ELP1: variants seen among roughly 807,000 people sequenced by gnomAD.
The protein encoded by ELP1 is elongator complex protein 1.
ELP1 carries 131 observed loss-of-function variants against 183.2 expected under a neutral mutation model. That is an observed-to-expected ratio of 0.72 (90% CI 0.62 to 0.83). The LOEUF (loss-of-function observed/expected upper bound fraction) is 0.83, where lower values mean the gene tolerates loss of function less well. Ranked by LOEUF, ELP1 falls within the 40% of genes least tolerant of loss-of-function variation. ELP1 has a pLI of 0.00. For synonymous variants in ELP1, 555 were observed against 569.0 expected, an observed-to-expected ratio of 0.98 and a Z score of 0.35; for missense variants, 1,550 against 1,594.9, an observed-to-expected ratio of 0.97 and a Z score of 0.48.
intron 26 of ELP1, among the ~76,000 whole-genome samples, chr9:108,893,478 C>T (rs1180631806): frequency 6.6e-6 from 1 of 152,160 alleles, no homozygotes; most frequent in African/African-American, 2.4e-5. Context: ...TCCTTTCCCC[C>T]ATCAGTCCTC....
intron 5 of ELP1, among the ~76,000 whole-genome samples, chr9:108,924,911 C>A (rs1414447988): frequency 6.6e-6 from 1 of 152,172 alleles, no homozygotes; most frequent in African/African-American, 2.4e-5. Flanking sequence ...ATACGCAAAG[C>A]CTATTTATTT....
chr9:108,929,035 T>A (rs59194472), intron 3 of ELP1, among the ~76,000 whole-genome samples: 2,735 of 152,304 alleles, frequency 0.018, 32 homozygotes, highest in Non-Finnish European at 0.025. Context: ...TTAAATAAAT[T>A]TGCATGAAAA....
chr9:108,924,881 C>T (rs1176432414), intron 5 of ELP1, among the ~76,000 whole-genome samples: 1 of 152,172 alleles, frequency 6.6e-6, no homozygotes, highest in African/African-American at 2.4e-5. Context: ...TCCTGCTCAA[C>T]TTTTTCTTAT....
At chr9:108,914,476 G>T in intron 10 of ELP1, among the ~76,000 whole-genome samples, 1 of 148,978 alleles carries the variant, frequency 6.7e-6, no homozygotes. Flanking sequence ...CAAGTAAAAA[G>T]ATTTATGAAC....
intron 13 of ELP1, among the ~76,000 whole-genome samples, chr9:108,907,623 C>A (rs1829067811): frequency 6.6e-6 from 1 of 152,108 alleles, no homozygotes; most frequent in Non-Finnish European, 1.5e-5. Context: ...ACTTATCAAA[C>A]AGAATAGAAT....
At chr9:108,878,515 C>T in intron 34 of ELP1, 108 bp downstream of exon 34, 1 of 1,468,056 alleles carries the variant, frequency 6.8e-7, no homozygotes, top group Non-Finnish European at 9.5e-7. Context: ...CTCATCTTTC[C>T]TCAAATTGGG....
Position 108,902,852 on chromosome 9 carries a change from A to G in ELP1, c.1841T>C (p.Met614Thr). ...GTGTTCACCTACCTCTTCTCCAATC[A>G]TGGCCAATTCGGTCTGGGTGCATGG... is the stretch of plus-strand genomic sequence containing the variant. Reference protein sequence around the residue: ...PYPCTQTELAMIGEEECVLGL... With the variant: ...PYPCTQTELATIGEEECVLGL... The change falls in exon 16 of 37, where the codon ATG (methionine) becomes ACG (threonine). Residue 614 changes from methionine to threonine, a missense_variant. Physicochemically the swap from Met to Thr is moderately conservative, Grantham distance 81 (BLOSUM62 -1). Transcript: ENST00000374647. 6.2e-7 allele frequency: 1 copy of G among 1,612,908 alleles called. No individual in the cohort carries two copies. The highest frequency in any genetic ancestry group is 8.5e-7 in the Non-Finnish European group (1 of 1,178,998).
At chr9:108,921,821 C>T (rs1055508658) in intron 6 of ELP1, among the ~76,000 whole-genome samples, 5 of 152,192 alleles carry the variant, frequency 3.3e-5, no homozygotes, top group East Asian at 1.9e-4. Flanking sequence ...ATAAAAACTA[C>T]GCTTTAAAAA....
In ELP1 at chr9:108,903,674, CA is replaced by C. The variant is rs756059162; in HGVS notation, c.1644-6del. The C allele has an allele frequency of 2.7e-5, 44 of 1,601,832 alleles. No homozygotes were observed. The highest frequency in any genetic ancestry group is 3.6e-5 in the Non-Finnish European group (42 of 1,170,572). ...CCATCCACCGCTGCAGATGAACTGA[CA>C]AAAAAAAGGAGAAGGGAGTGTAAAC... is the stretch of plus-strand genomic sequence containing the variant. On this transcript the variant is annotated splice_polypyrimidine_tract_variant and splice_region_variant and intron_variant, in intron 14 of 36. Transcript: ENST00000374647.
At position 108,889,403 on chromosome 9, in the gene ELP1, C is replaced by A; in HGVS notation, c.3161-10G>T. On this transcript the variant is annotated splice_polypyrimidine_tract_variant and intron_variant, in intron 28 of 36. Transcript: ENST00000374647. ...TGCTCAACCAGCTTTCCTGTAGAGA[C>A]AATAAGCAGCAGTTGACTACAAAGT... 2.5e-6 allele frequency: 4 copies of A among 1,613,694 alleles called. No individual in the cohort carries two copies. The highest frequency in any genetic ancestry group is 3.4e-6 in the Non-Finnish European group (4 of 1,179,612).
At chr9:108,898,435 TTG>T in intron 22 of ELP1, 65 bp downstream of exon 22, 1 of 1,056,404 alleles carries the variant, frequency 9.5e-7, no homozygotes, top group African/African-American at 1.6e-5. Flanking sequence ...CTATTTATGC[TTG>T]ATTTCCTTAA....
At chr9:108,906,246 G>C in intron 14 of ELP1, 57 bp downstream of exon 14, 2 of 1,575,952 alleles carry the variant, frequency 1.3e-6, no homozygotes, top group Non-Finnish European at 1.7e-6. Flanking sequence ...GCTCATAAAA[G>C]ACAAAAACCT....
At chr9:108,896,738 C>T in intron 24 of ELP1, 94 bp from the exon 25 acceptor site, 1 of 1,264,048 alleles carries the variant, frequency 7.9e-7, no homozygotes, top group Non-Finnish European at 1.2e-6. Flanking sequence ...AAATTTTTCT[C>T]AATAGAACTG....
intron 15 of ELP1, 40 bp downstream of exon 15, chr9:108,903,523 T>C (rs751473366): frequency 2.4e-6 from 3 of 1,270,016 alleles, no homozygotes; most frequent in Admixed American, 1.7e-5. Flanking sequence ...TAAGCATCTA[T>C]GTAAGTCATA....
Position 108,906,295 on chromosome 9 carries a change from T to A in ELP1, c.1643+8A>T. ...TAACATGTGGAGTACAGGGAAAAAC[T>A]GCAATACCTGACATTGAGCTGTCCA... On this transcript the variant is annotated splice_region_variant and intron_variant, in intron 14 of 36. Transcript: ENST00000374647. 6.2e-7 allele frequency: 1 copy of A among 1,613,754 alleles called. No homozygotes were observed. The highest frequency in any genetic ancestry group is 8.5e-7 in the Non-Finnish European group (1 of 1,179,734).
At chr9:108,919,380 G>A (rs1286722600) in intron 6 of ELP1, 31 bp from the exon 7 acceptor site, 3 of 1,444,332 alleles carry the variant, frequency 2.1e-6, no homozygotes, top group East Asian at 2.3e-5. Flanking sequence ...CAATATTACT[G>A]GGGGACCTTA....
At chr9:108,881,088 T>A (rs900451306) in intron 31 of ELP1, among the ~76,000 whole-genome samples, 3 of 152,354 alleles carry the variant, frequency 2.0e-5, no homozygotes, top group East Asian at 1.9e-4. Flanking sequence ...ATTCATATGT[T>A]CTCTAAGAAC....
At chr9:108,908,049 G>A (rs975703462) in intron 13 of ELP1, among the ~76,000 whole-genome samples, 9 of 152,134 alleles carry the variant, frequency 5.9e-5, no homozygotes, top group Non-Finnish European at 1.5e-5. Context: ...ATTTTTCCTG[G>A]AGAACCAAGC....
intron 10 of ELP1, among the ~76,000 whole-genome samples, chr9:108,914,250 T>C (rs945617943): frequency 6.6e-6 from 1 of 151,494 alleles, no homozygotes; most frequent in South Asian, 2.1e-4. Flanking sequence ...ATACAAAAAA[T>C]TAGCCAGGCT....
Sources: allele counts gnomAD v4.1 joint callset (sites outside exome capture counted in the v4.1 genomes callset), GRCh38; gene constraint gnomAD v4.1.1; transcripts MANE v1.5; gene names NCBI Gene and HGNC (gene_info 2026-07-23, HGNC 2026-07-21).